DLG1: variants seen among roughly 807,000 people sequenced by gnomAD.
The protein encoded by DLG1 is disks large homolog 1.
In DLG1, 42 loss-of-function variants were observed where a neutral mutation model predicts 123.4. The ratio of observed to expected loss-of-function variants is 0.34; its 90% CI spans 0.27 to 0.44. The LOEUF (loss-of-function observed/expected upper bound fraction) is 0.44, where lower values mean the gene tolerates loss of function less well. Among genes scored for constraint, DLG1 ranks in the 20% least tolerant of loss-of-function variants. The probability of loss-of-function intolerance (pLI) is 1.00; values close to 1 mark genes in which losing one functional copy is unlikely to be tolerated. For missense variants in DLG1, 942 were observed against 1,082.6 expected, an observed-to-expected ratio of 0.87 and a Z score of 1.82; for synonymous variants, 317 against 356.2, an observed-to-expected ratio of 0.89 and a Z score of 1.24.
At chr3:197,163,487 A>C (rs1799683143) in intron 5 of DLG1, among the ~76,000 whole-genome samples, 1 of 151,994 alleles carries the variant, frequency 6.6e-6, no homozygotes. Flanking sequence ...AGATGAACGG[A>C]TACACAAAAC....
intron 13 of DLG1, among the ~76,000 whole-genome samples, chr3:197,105,910 T>C (rs1212462776): frequency 6.6e-6 from 1 of 152,214 alleles, no homozygotes; most frequent in Non-Finnish European, 1.5e-5. Context: ...GGAACGATCA[T>C]CATGCAATTT....
chr3:197,198,248 G>A (rs1052703756), intron 4 of DLG1, among the ~76,000 whole-genome samples: 15 of 152,148 alleles, frequency 9.9e-5, no homozygotes, highest in African/African-American at 1.9e-4. Context: ...CCAGCCTTTC[G>A]GGAGGCCAAG....
At chr3:197,223,487 C>T (rs1738230749) in intron 4 of DLG1, among the ~76,000 whole-genome samples, 1 of 152,130 alleles carries the variant, frequency 6.6e-6, no homozygotes, top group African/African-American at 2.4e-5. Flanking sequence ...TTCCAACAAA[C>T]AAGGTGGTGT....
chr3:197,076,717 G>A, intron 17 of DLG1, 32 bp from the exon 18 acceptor site: 1 of 1,537,920 alleles, frequency 6.5e-7, no homozygotes, highest in Non-Finnish European at 9.0e-7. Flanking sequence ...AAAACAAAGG[G>A]ATGTCTACTG....
intron 4 of DLG1, among the ~76,000 whole-genome samples, chr3:197,274,317 A>G (rs1035952744): frequency 1.3e-5 from 2 of 152,186 alleles, no homozygotes; most frequent in African/African-American, 4.8e-5. Context: ...CATTTTTGAA[A>G]AAGAAGCCAA....
chr3:197,128,390 C>G (rs1401374737), intron 11 of DLG1, among the ~76,000 whole-genome samples: 2 of 152,208 alleles, frequency 1.3e-5, no homozygotes, highest in Admixed American at 6.5e-5. Flanking sequence ...GTCACATCTT[C>G]AGGCTCCACT....
intron 4 of DLG1, among the ~76,000 whole-genome samples, chr3:197,223,208 C>T (rs1025322542): frequency 6.6e-6 from 1 of 152,076 alleles, no homozygotes; most frequent in South Asian, 2.1e-4. Flanking sequence ...AGTTCTAACG[C>T]GAGACATGAG....
intron 24 of DLG1, among the ~76,000 whole-genome samples, chr3:197,048,601 T>TA (rs1233433491): frequency 1.3e-5 from 2 of 152,206 alleles, no homozygotes; most frequent in Admixed American, 6.5e-5. Flanking sequence ...GGTGGGAATG[T>TA]AAATGAGTAA....
intron 4 of DLG1, among the ~76,000 whole-genome samples, chr3:197,250,622 C>T (rs867947930): frequency 6.6e-6 from 1 of 151,006 alleles, no homozygotes; most frequent in Non-Finnish European, 1.5e-5. Context: ...AAAGCAATCA[C>T]ATTTATAATA....
chr3:197,180,445 T>A (rs13066853), intron 5 of DLG1, among the ~76,000 whole-genome samples: 1 of 151,996 alleles, frequency 6.6e-6, no homozygotes, highest in African/African-American at 2.4e-5. Context: ...GGCTTCGCAA[T>A]GCATAGAGAA....
intron 5 of DLG1, among the ~76,000 whole-genome samples, chr3:197,156,919 G>A (rs1180809822): frequency 6.6e-6 from 1 of 152,164 alleles, no homozygotes; most frequent in East Asian, 1.9e-4. Flanking sequence ...GGAAATAGAG[G>A]AGATGAACAA....
At chr3:197,252,318 T>C (rs1042536619) in intron 4 of DLG1, among the ~76,000 whole-genome samples, 1 of 152,154 alleles carries the variant, frequency 6.6e-6, no homozygotes, top group Non-Finnish European at 1.5e-5. Context: ...TCACAATAGC[T>C]AAAATATGGA....
At chr3:197,141,297 C>T (rs985830431) in intron 7 of DLG1, among the ~76,000 whole-genome samples, 1 of 152,154 alleles carries the variant, frequency 6.6e-6, no homozygotes, top group Non-Finnish European at 1.5e-5. Context: ...TCAAGTTCTT[C>T]AACCAGTGAA....
At chr3:197,101,692 A>T (rs1763549230) in intron 14 of DLG1, among the ~76,000 whole-genome samples, 1 of 151,946 alleles carries the variant, frequency 6.6e-6, no homozygotes, top group Non-Finnish European at 1.5e-5. Flanking sequence ...CCTGGCCAAG[A>T]GATTCTTAAA....
chr3:197,147,432 GCACACACACACACACACACACACA>G (rs67643945), intron 6 of DLG1, among the ~76,000 whole-genome samples: 1,485 of 147,194 alleles, frequency 0.01, 19 homozygotes, highest in African/African-American at 0.024. Flanking sequence ...TATATGGTGT[GCACACACACACACACACACACACA>G]CACACACACA....
At chr3:197,066,997 T>C (rs987395789) in intron 19 of DLG1, among the ~76,000 whole-genome samples, 5 of 152,134 alleles carry the variant, frequency 3.3e-5, no homozygotes, top group Non-Finnish European at 5.9e-5. Flanking sequence ...ATTTTATAGA[T>C]AATCAAATCT....
At chr3:197,097,714 G>C (rs1054437422) in intron 14 of DLG1, among the ~76,000 whole-genome samples, 5 of 151,416 alleles carry the variant, frequency 3.3e-5, no homozygotes, top group African/African-American at 1.2e-4. Context: ...CTGAGTAGCT[G>C]GGATTACAGG....
At chr3:197,064,459 C>T (rs1738153915) in intron 22 of DLG1, among the ~76,000 whole-genome samples, 1 of 152,232 alleles carries the variant, frequency 6.6e-6, no homozygotes. Flanking sequence ...TCCCAAAGCG[C>T]TGGGATTACA....
chr3:197,046,082 G>T (rs1027836809), intron 24 of DLG1, among the ~76,000 whole-genome samples: 2 of 152,214 alleles, frequency 1.3e-5, no homozygotes, highest in African/African-American at 4.8e-5. Context: ...GCTAAATGCA[G>T]ACATGCCTCA....
Sources: allele counts gnomAD v4.1 joint callset (sites outside exome capture counted in the v4.1 genomes callset), GRCh38; gene constraint gnomAD v4.1.1; transcripts MANE v1.5; gene names NCBI Gene and HGNC (gene_info 2026-07-23, HGNC 2026-07-21).